Variants in DEPDC5 observed in about 807,000 individuals in gnomAD.
DEPDC5 encodes GATOR1 complex protein DEPDC5.
A neutral mutation model predicts 217.3 loss-of-function variants in DEPDC5; 73 were observed. The ratio of observed to expected loss-of-function variants is 0.34; its 90% CI spans 0.28 to 0.41. DEPDC5 has a LOEUF of 0.41. Among genes scored for constraint, DEPDC5 ranks in the 10% least tolerant of loss-of-function variants. DEPDC5 has a pLI of 1.00. For missense variants in DEPDC5, 1,675 were observed against 2,070.1 expected, an observed-to-expected ratio of 0.81 and a Z score of 3.70; for synonymous variants, 733 against 756.7, an observed-to-expected ratio of 0.97 and a Z score of 0.51.
chr22:31,763,404 C>T lies in DEPDC5; in HGVS notation c.194-1571C>T, dbSNP rs1212703857. On this transcript the variant is annotated intron_variant, in intron 4 of 42. Coordinates refer to ENST00000651528, the MANE Select transcript of DEPDC5 (RefSeq NM_001242896.3). Reference sequence around the variant, plus strand: ...CCTCCCAAAGTCCTGGGATTACAGGCGTGAGCCACTGCACCATTGCCCCTG... The same window carrying T: ...CCTCCCAAAGTCCTGGGATTACAGGTGTGAGCCACTGCACCATTGCCCCTG... 4.0e-5 allele frequency among the ~76,000 whole-genome samples: 6 copies of T among 151,606 alleles called. No individual in the cohort carries two copies. In the East Asian group the frequency reaches 1.2e-3, roughly 29 times the overall value.
intron 40 of DEPDC5, among the ~76,000 whole-genome samples, chr22:31,897,898 G>C (rs1420538711): frequency 6.6e-6 from 1 of 152,150 alleles, no homozygotes; most frequent in Non-Finnish European, 1.5e-5. Flanking sequence ...GTCTAGAGCT[G>C]CCTGGAGCAA....
rs148493254 is a variant in DEPDC5 at position 31,792,311 on chromosome 22, T to C, written c.694+209T>C. On this transcript the variant is annotated intron_variant, in intron 11 of 42. Coordinates refer to ENST00000651528, the MANE Select transcript of DEPDC5 (RefSeq NM_001242896.3). ...GTGATTCATCTTAAAACCAACTTAA[T>C]AGATAGACAGTTGGCTGGGTGCAGT... 1.7e-3 allele frequency among the ~76,000 whole-genome samples: 260 copies of C among 151,994 alleles called. 2 individuals carry two copies. The highest frequency in any genetic ancestry group is 4.8e-3 in the Admixed American group (73 of 15,210).
chr22:31,832,089 CCACGTGT>C (rs1161158090), intron 24 of DEPDC5, among the ~76,000 whole-genome samples: 1 of 152,218 alleles, frequency 6.6e-6, no homozygotes, highest in Admixed American at 6.5e-5. Context: ...ATCCACGTTG[CCACGTGT>C]CAATAGTTGC....
intron 34 of DEPDC5, among the ~76,000 whole-genome samples, chr22:31,870,958 C>T (rs1274322686): frequency 6.6e-6 from 1 of 152,242 alleles, no homozygotes; most frequent in South Asian, 2.1e-4. Context: ...GAGGTTCCCA[C>T]AGAGATGTAG....
intron 33 of DEPDC5, among the ~76,000 whole-genome samples, chr22:31,868,700 T>C (rs2092755328): frequency 1.3e-5 from 2 of 152,214 alleles, no homozygotes; most frequent in Non-Finnish European, 2.9e-5. Flanking sequence ...GTGCCAAGAT[T>C]ACAGGCGTGA....
intron 38 of DEPDC5, among the ~76,000 whole-genome samples, chr22:31,889,094 T>C (rs73404193): frequency 0.016 from 2,379 of 152,350 alleles, 57 homozygotes; most frequent in African/African-American, 0.054. Context: ...CTGCTGACAC[T>C]GTCCCCTTCC....
In DEPDC5 at chr22:31,791,881, A is replaced by C. The variant is rs138645938; in HGVS notation, c.625-152A>C. 16,768 of 356,826 alleles carry C rather than the reference A, an allele frequency of 0.047. 542 individuals carry two copies. Among genetic ancestry groups the C allele is most frequent in the African/African-American group, 0.072 (3,044 of 42,114 alleles). The allele number at this position is 356,826 out of a possible 1,614,324, so 22.1% of individuals were successfully genotyped here. A position where few individuals can be genotyped will look rare whatever the true frequency, so the allele number is the denominator to read the frequency against. ...GGCGGAGGTTGCAGTGAGCCAAGAT[A>C]GCGCCACTGCACTCCAGCCTGGTGG... On this transcript the variant is annotated intron_variant, in intron 10 of 42. Transcript: ENST00000651528.
chr22:31,788,698 C>G (rs144474176), intron 10 of DEPDC5, among the ~76,000 whole-genome samples: 1,719 of 151,812 alleles, frequency 0.011, 41 homozygotes, highest in African/African-American at 0.04. Flanking sequence ...TTCAGCCTCC[C>G]GAATAGCTGA....
chr22:31,764,608 G>T (rs900827107), intron 4 of DEPDC5, among the ~76,000 whole-genome samples: 2 of 152,020 alleles, frequency 1.3e-5, no homozygotes, highest in Non-Finnish European at 2.9e-5. Flanking sequence ...TAGAGACAGG[G>T]TTTCACCATG....
At chr22:31,778,297 A>G (rs2084087774) in intron 8 of DEPDC5, 129 bp downstream of exon 8, 5 of 909,216 alleles carry the variant, frequency 5.5e-6, no homozygotes, top group South Asian at 1.5e-5. Context: ...CAGGAGTTCA[A>G]GACAAGCCTG....
chr22:31,854,196 C>G (rs2092174095), intron 31 of DEPDC5, among the ~76,000 whole-genome samples: 2 of 152,216 alleles, frequency 1.3e-5, no homozygotes, highest in Non-Finnish European at 2.9e-5. Context: ...CTTCCTGAGC[C>G]ATTAGAAGAA....
intron 9 of DEPDC5, chr22:31,784,196 G>T: frequency 2.4e-6 from 1 of 412,410 alleles, no homozygotes; most frequent in South Asian, 4.5e-5. Flanking sequence ...AAACTGCATT[G>T]TATGTTGAAG....
rs752937686 is a variant in DEPDC5, at chr22:31,837,048, T to G, written c.2247T>G (p.Thr749=). 1 of 1,614,140 alleles carries G rather than the reference T, an allele frequency of 6.2e-7. No individual in the cohort carries two copies. Among genetic ancestry groups the G allele is most frequent in the Non-Finnish European group, 8.5e-7 (1 of 1,180,038 alleles). The change falls in exon 26 of 43, where the codon ACT becomes ACG. Residue 749 remains threonine (T), a synonymous_variant. Transcript: ENST00000651528. ...TVGVDWKSLT[T]PACLPLTTDY... ...GAGTGGACTGGAAGTCTCTCACTAC[T>G]CCGGCGTGCCTCCCCCTTACCACCG...
At chr22:31,812,792 G>A (rs1394579556) in intron 20 of DEPDC5, among the ~76,000 whole-genome samples, 1 of 146,788 alleles carries the variant, frequency 6.8e-6, no homozygotes, top group Non-Finnish European at 1.5e-5. Flanking sequence ...CCAGGCTGGA[G>A]TGCAATGGTG....
intron 8 of DEPDC5, among the ~76,000 whole-genome samples, chr22:31,781,247 A>C (rs1432758257): frequency 3.3e-5 from 5 of 151,788 alleles, no homozygotes; most frequent in South Asian, 2.1e-4. Flanking sequence ...AAAAAAAAAA[A>C]CAAAGAATTT....
intron 25 of DEPDC5, chr22:31,834,255 T>A (rs1033086625): frequency 4.3e-5 from 19 of 441,876 alleles, no homozygotes; most frequent in Non-Finnish European, 7.6e-5. Context: ...GGTCCAGAGC[T>A]GGCCTTCACC....
chr22:31,775,302 C>G (rs754894974), intron 7 of DEPDC5, among the ~76,000 whole-genome samples: 1 of 152,034 alleles, frequency 6.6e-6, no homozygotes, highest in Non-Finnish European at 1.5e-5. Flanking sequence ...GCCTCAGCCT[C>G]CCGAGTAGCT....
intron 41 of DEPDC5, among the ~76,000 whole-genome samples, chr22:31,903,341 G>C (rs114240153): frequency 1.2e-4 from 1 of 8,298 alleles, no homozygotes; most frequent in Admixed American, 1.8e-3. Flanking sequence ...GTAAACCCCC[G>C]CCTTCCACAC....
At chr22:31,885,846 C>G (rs112591536) in intron 38 of DEPDC5, among the ~76,000 whole-genome samples, 4 of 150,976 alleles carry the variant, frequency 2.6e-5, no homozygotes, top group African/African-American at 9.7e-5. Flanking sequence ...CCAGCCTGAC[C>G]AACATGGTGA....
Sources: allele counts gnomAD v4.1 joint callset (sites outside exome capture counted in the v4.1 genomes callset), GRCh38; gene constraint gnomAD v4.1.1; transcripts MANE v1.5; gene names NCBI Gene and HGNC (gene_info 2026-07-23, HGNC 2026-07-21).